The following MEAF6 variants were observed in gnomAD, a reference collection of about 807,000 sequenced individuals.
MEAF6 encodes the protein chromatin modification-related protein MEAF6.
In MEAF6, 15 loss-of-function variants were observed where a neutral mutation model predicts 28.9. That is an observed-to-expected ratio of 0.52 (90% CI 0.35 to 0.80). MEAF6 has a LOEUF of 0.80. Among genes scored for constraint, MEAF6 ranks in the 30% least tolerant of loss-of-function variants. The pLI is 0.01. For synonymous variants in MEAF6, 97 were observed against 88.7 expected, an observed-to-expected ratio of 1.09 and a Z score of -0.53; for missense variants, 178 against 237.5, an observed-to-expected ratio of 0.75 and a Z score of 1.65.
At chr1:37,495,802 C>A in intron 6 of MEAF6, 83 bp downstream of exon 6, 1 of 1,343,460 alleles carries the variant, frequency 7.4e-7, no homozygotes, top group Non-Finnish European at 1.1e-6. Context: ...AGGTTAGGAA[C>A]ACTCAAGCTC....
intron 4 of MEAF6, among the ~76,000 whole-genome samples, chr1:37,502,514 C>G (rs1181086548): frequency 6.6e-6 from 1 of 150,668 alleles, no homozygotes; most frequent in African/African-American, 2.4e-5. Flanking sequence ...GAAGACAGCC[C>G]ATTCCTGAAT....
At chr1:37,514,617 C>T in intron 1 of MEAF6, 40 bp downstream of exon 1, 1 of 1,428,402 alleles carries the variant, frequency 7.0e-7, no homozygotes, top group Non-Finnish European at 9.3e-7. Context: ...GGGGCGGGCG[C>T]GGAGCCCCAT....
rs1444895879 is a variant in MEAF6 at position 37,509,488 on chromosome 1, C to A, written c.261G>T (p.Arg87=). The change falls in exon 3 of 7, where the codon CGG becomes CGT. Residue 87 remains arginine (R), a synonymous_variant. Coordinates refer to ENST00000296214, the MANE Select transcript of MEAF6 (RefSeq NM_001270875.3). ...AGGTAACCGAGGATTTACTGAAGAG[C>A]CGCTCAGCTTCCTTAAACTTCCGGT... The part of the protein sequence containing the change: ...RRNRKFKEAE[R]LFSKSSVTSA... 1 of 1,614,092 alleles carries A rather than the reference C, an allele frequency of 6.2e-7. No individual in the cohort carries two copies. Among genetic ancestry groups the A allele is most frequent in the Non-Finnish European group, 8.5e-7 (1 of 1,180,012 alleles).
rs35576307 is a variant in MEAF6 at position 37,498,409 on chromosome 1, T to TTTATTA, written c.534-2497_534-2492dup. Among the ~76,000 whole-genome samples, 690 of 122,516 alleles carry TTTATTA rather than the reference T, an allele frequency of 5.6e-3. 5 individuals are homozygous for TTTATTA. The highest frequency in any genetic ancestry group is 0.024 in the Middle Eastern group (6 of 248). The allele number at this position is 122,516 out of a possible 152,430, so 80.4% of individuals were successfully genotyped here. On this transcript the variant is annotated intron_variant, in intron 5 of 6. Transcript: ENST00000296214. ...ACTTATAAGAGTAGCTATGTTATTT[T>TTTATTA]TTATTATTATTATTATTATTATTAT...
chr1:37,491,638 G>A lies in MEAF6; in HGVS notation c.*2461C>T, dbSNP rs1313492118. Among the ~76,000 whole-genome samples the A allele has an allele frequency of 1.3e-5, 2 of 152,050 alleles. No homozygotes were observed. The highest frequency in any genetic ancestry group is 2.1e-4 in the South Asian group (1 of 4,830). On this transcript the variant is annotated 3_prime_UTR_variant, in exon 7 of 7. Coordinates refer to ENST00000296214, the MANE Select transcript of MEAF6 (RefSeq NM_001270875.3). Reference sequence around the variant, plus strand: ...GGCTTGACCCCAGAAGTTCGAGGCTGCACTGAGCTTTGATCAGGCCGCTGC... The same window carrying A: ...GGCTTGACCCCAGAAGTTCGAGGCTACACTGAGCTTTGATCAGGCCGCTGC...
Position 37,493,694 on chromosome 1 carries a change from C to T in MEAF6, c.*405G>A. 2.8e-6 allele frequency: 3 copies of T among 1,082,252 alleles called. No homozygotes were observed. Among genetic ancestry groups the T allele is most frequent in the South Asian group, 2.9e-5 (2 of 70,094 alleles). 67.0% of individuals were successfully genotyped at this position (1,082,252 alleles called of 1,614,324 possible). On this transcript the variant is annotated 3_prime_UTR_variant, in exon 7 of 7. Transcript: ENST00000296214. ...AATATAAGAAAATGCCAGATATTTACAGCCTCCATCTGAAATGTGACTTGT... is the reference window on the plus strand; with the variant it reads ...AATATAAGAAAATGCCAGATATTTATAGCCTCCATCTGAAATGTGACTTGT...
chr1:37,508,817 TC>T (rs777383537), intron 4 of MEAF6, among the ~76,000 whole-genome samples: 9 of 152,170 alleles, frequency 5.9e-5, no homozygotes, highest in Admixed American at 4.6e-4. Flanking sequence ...ATACGATTGT[TC>T]ACAAATGGTG....
At chr1:37,504,469 C>T (rs771018250) in intron 4 of MEAF6, among the ~76,000 whole-genome samples, 1 of 151,940 alleles carries the variant, frequency 6.6e-6, no homozygotes, top group Non-Finnish European at 1.5e-5. Context: ...GTTGAAGGAT[C>T]CTAAATATAT....
chr1:37,494,381 G>C (rs1642042354), intron 6 of MEAF6, among the ~76,000 whole-genome samples: 1 of 151,926 alleles, frequency 6.6e-6, no homozygotes, highest in African/African-American at 2.4e-5. Context: ...CAGACATGGT[G>C]GTGGGCACCT....
chr1:37,495,754 A>G (rs1642112888), intron 6 of MEAF6, 131 bp downstream of exon 6: 11 of 727,844 alleles, frequency 1.5e-5, no homozygotes, highest in Non-Finnish European at 2.3e-6. Flanking sequence ...GTATATCCAG[A>G]TGGACACCCC....
chr1:37,506,168 G>A (rs914784934), intron 4 of MEAF6, among the ~76,000 whole-genome samples: 10 of 152,208 alleles, frequency 6.6e-5, no homozygotes, highest in Admixed American at 5.9e-4. Context: ...CTACTCGAGA[G>A]GCTGAGGCAA....
intron 2 of MEAF6, 57 bp from the exon 3 acceptor site, chr1:37,509,599 G>C: frequency 6.7e-7 from 1 of 1,487,726 alleles, no homozygotes; most frequent in East Asian, 2.3e-5. Context: ...GCTCAAGCTG[G>C]GGATGCCCCA....
At chr1:37,504,752 A>G (rs887077553) in intron 4 of MEAF6, among the ~76,000 whole-genome samples, 1 of 144,634 alleles carries the variant, frequency 6.9e-6, no homozygotes, top group South Asian at 2.3e-4. Context: ...AGCCTGGGCA[A>G]CAAGAGCAAG....
chr1:37,509,937 T>C (rs1282372210), intron 2 of MEAF6, among the ~76,000 whole-genome samples: 7 of 151,422 alleles, frequency 4.6e-5, no homozygotes, highest in African/African-American at 1.7e-4. Context: ...CCACCATACC[T>C]GGCAAATTTT....
rs1031951625 is a variant in MEAF6, at chr1:37,491,030, AAAAT to A, written c.*3065_*3068del. Among the ~76,000 whole-genome samples, 32 of 152,312 alleles carry A rather than the reference AAAAT, an allele frequency of 2.1e-4. No individual in the cohort carries two copies. Among genetic ancestry groups the A allele is most frequent in the African/African-American group, 7.0e-4 (29 of 41,560 alleles). ...CGACAGAGCAAGACTCTGTCTCAAA[AAAAT>A]AAATAAATAAAATAATGCCTCATTA... On this transcript the variant is annotated 3_prime_UTR_variant, in exon 7 of 7. Coordinates refer to ENST00000296214, the MANE Select transcript of MEAF6 (RefSeq NM_001270875.3).
rs760392603 is a variant in MEAF6, at chr1:37,514,761, G to A, written c.-15C>T. The A allele has an allele frequency of 6.3e-6, 9 of 1,433,496 alleles. No individual in the cohort carries two copies. The East Asian group carries it at 2.5e-4, about 40-fold the overall frequency. 88.8% of individuals were successfully genotyped at this position (1,433,496 alleles called of 1,614,324 possible). A position where few individuals can be genotyped will look rare whatever the true frequency, so the allele number is the denominator to read the frequency against. On this transcript the variant is annotated 5_prime_UTR_variant, in exon 1 of 7. Transcript: ENST00000296214. ...TGCATCGCCATGTTGGGCTGAGGCG[G>A]GCGGCGGCGGCGCGAGGTTGGGGGC...
intron 5 of MEAF6, chr1:37,501,522 A>G (rs1642303274): frequency 3.5e-6 from 1 of 286,638 alleles, no homozygotes; most frequent in Non-Finnish European, 6.4e-6. Context: ...TTCCTCTTCT[A>G]AAAGTATTCC....
intron 4 of MEAF6, 50 bp downstream of exon 4, chr1:37,509,228 G>C: frequency 6.7e-7 from 1 of 1,484,990 alleles, no homozygotes; most frequent in South Asian, 1.1e-5. Context: ...GTGTAAGGGT[G>C]ATGGTAGCTT....
intron 2 of MEAF6, among the ~76,000 whole-genome samples, chr1:37,512,638 C>G (rs1016043236): frequency 9.2e-5 from 14 of 152,144 alleles, no homozygotes; most frequent in Non-Finnish European, 2.1e-4. Flanking sequence ...CCCTTTAATT[C>G]CAACACTTTG....
Sources: allele counts gnomAD v4.1 joint callset (sites outside exome capture counted in the v4.1 genomes callset), GRCh38; gene constraint gnomAD v4.1.1; transcripts MANE v1.5; gene names NCBI Gene and HGNC (gene_info 2026-07-23, HGNC 2026-07-21).